ADGRL3: variants seen among roughly 807,000 people sequenced by gnomAD.
The protein encoded by ADGRL3 is adhesion G protein-coupled receptor L3.
In ADGRL3, 62 loss-of-function variants were observed where a neutral mutation model predicts 153.5. The ratio of observed to expected loss-of-function variants is 0.40; its 90% CI spans 0.33 to 0.50. The LOEUF (loss-of-function observed/expected upper bound fraction) is 0.50. Among genes scored for constraint, ADGRL3 ranks in the 20% least tolerant of loss-of-function variants. The pLI is 0.47. For missense variants in ADGRL3, 1,641 were observed against 1,859.4 expected (o/e 0.88, Z 2.16); for synonymous variants, 710 against 672.5 (o/e 1.06, Z -0.86).
chr4:61,638,640 T>C (rs1181342951), intron 5 of ADGRL3, among the ~76,000 whole-genome samples: 1 of 152,172 alleles, frequency 6.6e-6, no homozygotes, highest in Non-Finnish European at 1.5e-5. Context: ...TTAGCAGTAA[T>C]GTTTATACAC....
At chr4:61,663,995 T>TG (rs1364932192) in intron 5 of ADGRL3, among the ~76,000 whole-genome samples, 2 of 152,200 alleles carry the variant, frequency 1.3e-5, no homozygotes, top group African/African-American at 2.4e-5. Context: ...TCTTAAGGCC[T>TG]ATAGCAACTG....
chr4:61,939,833 A>G (rs974923438), intron 15 of ADGRL3, among the ~76,000 whole-genome samples: 1 of 152,152 alleles, frequency 6.6e-6, no homozygotes, highest in African/African-American at 2.4e-5. Context: ...TGCTGTCTCA[A>G]TTCGTTAACC....
At chr4:62,055,159 G>T (rs1736356716) in intron 25 of ADGRL3, among the ~76,000 whole-genome samples, 1 of 151,798 alleles carries the variant, frequency 6.6e-6, no homozygotes, top group African/African-American at 2.4e-5. Flanking sequence ...AGACACATAT[G>T]TAGCCAATTA....
intron 1 of ADGRL3, among the ~76,000 whole-genome samples, chr4:61,338,419 AAGAG>A (rs1560491947): frequency 3.5e-5 from 5 of 141,666 alleles, no homozygotes; most frequent in East Asian, 2.1e-4. Flanking sequence ...GTGTGTGTGA[AAGAG>A]AGAGAGAGAA....
chr4:61,352,510 G>T (rs899974485), intron 1 of ADGRL3, among the ~76,000 whole-genome samples: 2 of 151,384 alleles, frequency 1.3e-5, no homozygotes, highest in African/African-American at 2.4e-5. Context: ...TCAGCCTCCC[G>T]AGTAGCTGGG....
chr4:61,611,618 T>A (rs1462880009), intron 5 of ADGRL3, among the ~76,000 whole-genome samples: 1 of 152,152 alleles, frequency 6.6e-6, no homozygotes, highest in Non-Finnish European at 1.5e-5. Context: ...ACTATGTGCA[T>A]GAATTAATTG....
At chr4:61,803,449 T>C (rs1472798201) in intron 8 of ADGRL3, among the ~76,000 whole-genome samples, 2 of 152,146 alleles carry the variant, frequency 1.3e-5, no homozygotes, top group African/African-American at 4.8e-5. Context: ...GTCTGTGATA[T>C]GAGAGAAAGC....
chr4:61,246,823 T>G (rs1347319565), intron 1 of ADGRL3, among the ~76,000 whole-genome samples: 1 of 151,582 alleles, frequency 6.6e-6, no homozygotes, highest in Non-Finnish European at 1.5e-5. Flanking sequence ...AAGTTCCTCT[T>G]CAGAAAAAGA....
At chr4:61,798,060 T>C (rs1462556766) in intron 8 of ADGRL3, among the ~76,000 whole-genome samples, 1 of 152,194 alleles carries the variant, frequency 6.6e-6, no homozygotes, top group Non-Finnish European at 1.5e-5. Context: ...GGTATCTTGA[T>C]CTTTATTTTT....
intron 4 of ADGRL3, among the ~76,000 whole-genome samples, chr4:61,577,103 C>CAAAAA (rs2098890127): frequency 6.6e-6 from 1 of 150,540 alleles, no homozygotes; most frequent in South Asian, 2.1e-4. Flanking sequence ...CAAAACAAAA[C>CAAAAA]AAAAATTATA....
intron 25 of ADGRL3, among the ~76,000 whole-genome samples, chr4:62,059,388 T>C (rs1465940443): frequency 6.6e-6 from 1 of 152,156 alleles, no homozygotes; most frequent in Non-Finnish European, 1.5e-5. Context: ...ATTTGAATTA[T>C]AACCCTCCAT....
intron 2 of ADGRL3, among the ~76,000 whole-genome samples, chr4:61,424,491 G>A (rs901677830): frequency 3.3e-5 from 5 of 152,110 alleles, no homozygotes; most frequent in African/African-American, 4.8e-5. Flanking sequence ...AGGGCCCAAC[G>A]TAGGCCAGAG....
At chr4:61,441,376 T>C (rs563717865) in intron 2 of ADGRL3, among the ~76,000 whole-genome samples, 2 of 152,324 alleles carry the variant, frequency 1.3e-5, no homozygotes, top group East Asian at 3.9e-4. Context: ...TTCACTATCT[T>C]TCATAATGGC....
At chr4:61,932,753 T>C (rs1045098500) in intron 13 of ADGRL3, among the ~76,000 whole-genome samples, 2 of 152,112 alleles carry the variant, frequency 1.3e-5, no homozygotes, top group African/African-American at 4.8e-5. Context: ...TGTTAATTCT[T>C]CTTTAAGTGT....
At chr4:61,288,803 G>C (rs2094048123) in intron 1 of ADGRL3, among the ~76,000 whole-genome samples, 1 of 151,886 alleles carries the variant, frequency 6.6e-6, no homozygotes, top group African/African-American at 2.4e-5. Flanking sequence ...TTTGCATTGA[G>C]ATCCATTTCT....
At chr4:61,520,825 G>A (rs568033930) in intron 4 of ADGRL3, among the ~76,000 whole-genome samples, 1 of 151,484 alleles carries the variant, frequency 6.6e-6, no homozygotes, top group South Asian at 2.1e-4. Flanking sequence ...TTTTTTTCCT[G>A]TGAAACCAGT....
intron 8 of ADGRL3, among the ~76,000 whole-genome samples, chr4:61,782,707 A>C (rs2097228187): frequency 6.6e-6 from 1 of 152,172 alleles, no homozygotes; most frequent in African/African-American, 2.4e-5. Flanking sequence ...ACAATAAATA[A>C]ATAAATAAGC....
At position 61,934,925 on chromosome 4, in the gene ADGRL3, C is replaced by A; in HGVS notation, c.2198C>A (p.Ala733Glu). The A allele has an allele frequency of 6.2e-7, 1 of 1,613,762 alleles. No homozygotes were observed. Among genetic ancestry groups the A allele is most frequent in the South Asian group, 1.1e-5 (1 of 91,074 alleles). Residue 733 changes from alanine (A) to glutamate (E), a missense_variant, in exon 14 of 27, where the codon GCG becomes GAG. Coordinates refer to ENST00000683033, the MANE Select transcript of ADGRL3 (RefSeq NM_001387552.1). Reference protein sequence around the residue: ...RDLTTSDQLRAATMLLHTVEE... With the variant: ...RDLTTSDQLREATMLLHTVEE... The stretch of plus-strand genomic sequence containing the variant: ...CTGACTACGAGTGATCAGCTGCGTG[C>A]GGCCACCATGTTGCTTCATACTGTG...
At chr4:61,374,771 T>C (rs1475786131) in intron 1 of ADGRL3, among the ~76,000 whole-genome samples, 1 of 152,132 alleles carries the variant, frequency 6.6e-6, no homozygotes, top group Non-Finnish European at 1.5e-5. Flanking sequence ...TGCTTTTTAA[T>C]CCCACATTCT....
Sources: gnomAD v4.1 joint callset for allele counts (sites outside exome capture counted in the v4.1 genomes callset) on GRCh38, gnomAD v4.1.1 for gene constraint, MANE v1.5 for transcripts, NCBI Gene and HGNC (gene_info 2026-07-23, HGNC 2026-07-21) for gene names.